Variants in NEIL3 observed in about 807,000 individuals in gnomAD.
NEIL3 encodes nei like DNA glycosylase 3.
NEIL3 carries 48 observed loss-of-function variants against 57.5 expected under a neutral mutation model. The ratio of observed to expected loss-of-function variants is 0.83; its 90% CI spans 0.66 to 1.06. The LOEUF is 1.06. NEIL3 is among the 50% of genes least tolerant of loss of function. NEIL3 has a pLI of 0.00. For missense variants in NEIL3, 717 were observed against 739.1 expected, an observed-to-expected ratio of 0.97 and a Z score of 0.35; for synonymous variants, 261 against 253.2, an observed-to-expected ratio of 1.03 and a Z score of -0.29.
the NEIL3 span, among the ~76,000 whole-genome samples, chr4:177,370,583 A>G: frequency 6.6e-6 from 1 of 152,164 alleles, no homozygotes; most frequent in Non-Finnish European, 1.5e-5. Flanking sequence ...TAAAAGAGTA[A>G]TGAGGGAGGA....
At chr4:177,312,550 A>G (rs961869972) in intron 1 of NEIL3, among the ~76,000 whole-genome samples, 1 of 152,162 alleles carries the variant, frequency 6.6e-6, no homozygotes, top group African/African-American at 2.4e-5. Flanking sequence ...CCATGTTTGG[A>G]TTGCACAAAA....
At chr4:177,366,761 A>C (rs1057387189), downstream of NEIL3, among the ~76,000 whole-genome samples, 1 of 152,156 alleles carries the variant, frequency 6.6e-6, no homozygotes, top group Non-Finnish European at 1.5e-5. Flanking sequence ...TACAAACGTT[A>C]GATTATTAGA....
chr4:177,360,606 G>T lies in NEIL3; in HGVS notation c.1564G>T (p.Asp522Tyr). The T allele has an allele frequency of 6.2e-7, 1 of 1,614,130 alleles. No homozygotes were observed. The highest frequency in any genetic ancestry group is 2.2e-5 in the East Asian group (1 of 44,882). ...CTGCATTCTCCGAGTTGTGGGGAAG[G>T]ATGGGGAAAACAAGGGCAGGCAGTT... ...RLCILRVVGKDGENKGRQFYA... is the reference protein window; with the variant it reads ...RLCILRVVGKYGENKGRQFYA... The change falls in exon 9 of 10, where the codon GAT (aspartate) becomes TAT (tyrosine). Residue 522 changes from aspartate (D) to tyrosine (Y), a missense_variant. By Grantham distance (160) the Asp-to-Tyr change is radical. Coordinates refer to ENST00000264596, the MANE Select transcript of NEIL3 (RefSeq NM_018248.3).
rs201212443 is a variant in NEIL3 at position 177,335,805 on chromosome 4, C to G, written c.396C>G (p.Asp132Glu). Residue 132 changes from aspartate to glutamate, a missense_variant, in exon 3 of 10, where the codon GAC (aspartate) becomes GAG (glutamate). Coordinates refer to ENST00000264596, the MANE Select transcript of NEIL3 (RefSeq NM_018248.3). Reference sequence around the variant, plus strand: ...CCAAAGATTTGATTTGTTTCTTTGACTCATCAGTAGAACTCAGGTAAAAAA... The same window carrying G: ...CCAAAGATTTGATTTGTTTCTTTGAGTCATCAGTAGAACTCAGGTAAAAAA... ...QLTKDLICFF[D>E]SSVELRNSME... 728 of 1,569,690 alleles carry G rather than the reference C, an allele frequency of 4.6e-4. 1 individual carries two copies. In the Middle Eastern group the frequency reaches 0.017, roughly 37 times the overall value.
At chr4:177,333,484 G>T (rs1734919098) in intron 2 of NEIL3, among the ~76,000 whole-genome samples, 2 of 152,084 alleles carry the variant, frequency 1.3e-5, no homozygotes, top group South Asian at 4.1e-4. Flanking sequence ...ATCTTTTGTT[G>T]ACTTTGGCAC....
In NEIL3 at chr4:177,353,660, T is replaced by TA. The variant is rs774101868; in HGVS notation, c.1398dup (p.Pro467ThrfsTer12). 7.4e-6 allele frequency: 12 copies of TA among 1,613,000 alleles called. No homozygotes were observed. In the Admixed American group the frequency reaches 8.3e-5, roughly 11 times the overall value. On this transcript the variant is annotated frameshift_variant, in exon 8 of 10. Transcript: ENST00000264596. LOFTEE classifies it high-confidence loss of function. ...AATCTAAATTATTTAGTCCAGCACA[T>TA]AAAAAACCGAAAACAGCCCAATACT...
At chr4:177,361,932 T>C (rs2110946051) in intron 9 of NEIL3, among the ~76,000 whole-genome samples, 1 of 152,284 alleles carries the variant, frequency 6.6e-6, no homozygotes, top group South Asian at 2.1e-4. Flanking sequence ...CACCTGATCT[T>C]ACAGGTTTAA....
chr4:177,354,436 A>G (rs1434891302), intron 8 of NEIL3, among the ~76,000 whole-genome samples: 1 of 152,142 alleles, frequency 6.6e-6, no homozygotes, highest in East Asian at 1.9e-4. Context: ...TTTTTTATAA[A>G]AGTTTAGTAA....
At chr4:177,324,186 CTG>C (rs1168586286) in intron 2 of NEIL3, among the ~76,000 whole-genome samples, 3 of 152,290 alleles carry the variant, frequency 2.0e-5, no homozygotes, top group South Asian at 4.1e-4. Context: ...GGCTGCAGGT[CTG>C]TGCACCTGCA....
Position 177,362,500 on chromosome 4 carries a change from C to G in NEIL3, c.*29C>G, listed in dbSNP as rs759741042. The G allele has an allele frequency of 2.9e-5, 44 of 1,537,076 alleles. No homozygotes were observed. Among genetic ancestry groups the G allele is most frequent in the Middle Eastern group, 1.8e-4 (1 of 5,708 alleles). ...CTGTAGATTCTCTGGCATTTAGTCT[C>G]TTCAAACTGTGTATAATGTTTGGTC... On this transcript the variant is annotated 3_prime_UTR_variant, in exon 10 of 10. Coordinates refer to ENST00000264596, the MANE Select transcript of NEIL3 (RefSeq NM_018248.3).
At chr4:177,351,684 C>A (rs1395583128) in intron 7 of NEIL3, 135 bp downstream of exon 7, 6 of 708,920 alleles carry the variant, frequency 8.5e-6, no homozygotes, top group Non-Finnish European at 1.4e-5. Flanking sequence ...AAAGGAATTG[C>A]CAGTTTTCAC....
At chr4:177,334,739 C>A (rs1012878308) in intron 2 of NEIL3, among the ~76,000 whole-genome samples, 2 of 152,272 alleles carry the variant, frequency 1.3e-5, no homozygotes. Flanking sequence ...TTGTACAATA[C>A]TATAACATGG....
At chr4:177,336,024 C>CTTATAT in intron 3 of NEIL3, 84 bp from the exon 4 acceptor site, 1 of 1,200,904 alleles carries the variant, frequency 8.3e-7, no homozygotes, top group African/African-American at 1.5e-5. Flanking sequence ...ACATAAAGTG[C>CTTATAT]TTATAGCAAA....
At chr4:177,314,089 T>C (rs1411285374) in intron 1 of NEIL3, among the ~76,000 whole-genome samples, 3 of 152,202 alleles carry the variant, frequency 2.0e-5, no homozygotes, top group African/African-American at 7.2e-5. Flanking sequence ...GAGGCTCATT[T>C]CTTTAAGCAT....
chr4:177,339,724 A>T lies in NEIL3; in HGVS notation c.628-59A>T, dbSNP rs1735052030. 3.5e-6 allele frequency: 4 copies of T among 1,131,986 alleles called. No individual in the cohort carries two copies. The South Asian group carries it at 5.1e-5, about 14-fold the overall frequency. The allele number at this position is 1,131,986 out of a possible 1,614,324, so 70.1% of individuals were successfully genotyped here. A position where few individuals can be genotyped will look rare whatever the true frequency, so the allele number is the denominator to read the frequency against. ...TTTCACAGAATTGGCAAGGCGTATT[A>T]TTTCTTACAGTAATGAGCAAGTCAT... On this transcript the variant is annotated intron_variant, in intron 4 of 9. Coordinates refer to ENST00000264596, the MANE Select transcript of NEIL3 (RefSeq NM_018248.3).
intron 1 of NEIL3, among the ~76,000 whole-genome samples, chr4:177,318,579 TTC>T (rs1302915655): frequency 1.3e-5 from 2 of 152,136 alleles, no homozygotes; most frequent in Non-Finnish European, 2.9e-5. Flanking sequence ...CTTCCTCTTG[TTC>T]TCTGGGCCAT....
intron 6 of NEIL3, among the ~76,000 whole-genome samples, chr4:177,347,639 G>A (rs1010208127): frequency 1.3e-5 from 2 of 151,978 alleles, no homozygotes; most frequent in Non-Finnish European, 2.9e-5. Flanking sequence ...TAGTGCAGGT[G>A]GTAAATGCTG....
chr4:177,355,083 C>T (rs139415693), intron 8 of NEIL3, among the ~76,000 whole-genome samples: 23 of 152,282 alleles, frequency 1.5e-4, no homozygotes, highest in African/African-American at 4.1e-4. Flanking sequence ...TATGGCAACC[C>T]GATGTTATAT....
chr4:177,365,622 T>A (rs769255163), downstream of NEIL3, among the ~76,000 whole-genome samples: 1 of 152,166 alleles, frequency 6.6e-6, no homozygotes, highest in Non-Finnish European at 1.5e-5. Flanking sequence ...TTTGAGTAAC[T>A]ATTTTGTTTT....
Sources: gnomAD v4.1 joint callset for allele counts (sites outside exome capture counted in the v4.1 genomes callset) on GRCh38, gnomAD v4.1.1 for gene constraint, MANE v1.5 for transcripts, NCBI Gene and HGNC (gene_info 2026-07-23, HGNC 2026-07-21) for gene names.